The following APP variants were observed in gnomAD, a reference collection of about 807,000 sequenced individuals.
APP encodes amyloid beta precursor protein, also known as amyloid-beta precursor protein.
APP carries 31 observed loss-of-function variants against 101.4 expected under a neutral mutation model. The ratio of observed to expected loss-of-function variants is 0.31; its 90% CI spans 0.23 to 0.41. The LOEUF is 0.41. Ranked by LOEUF, APP falls within the 10% of genes least tolerant of loss-of-function variation. The pLI, the probability that APP is intolerant of heterozygous loss-of-function variation, is 1.00. For missense variants in APP, 839 were observed against 1,003.7 expected (o/e 0.84, Z 2.22); for synonymous variants, 366 against 364.4 (o/e 1.00, Z -0.05).
intron 3 of APP, among the ~76,000 whole-genome samples, chr21:26,072,631 C>T (rs1445062031): frequency 6.6e-6 from 1 of 151,894 alleles, no homozygotes; most frequent in African/African-American, 2.4e-5. Context: ...TTGTTATTTA[C>T]CGGCAGAGAA....
intron 5 of APP, among the ~76,000 whole-genome samples, chr21:26,038,661 G>A (rs7283143): frequency 0.11 from 16,473 of 152,120 alleles, 1,211 homozygotes; most frequent in East Asian, 0.31. Context: ...CTACTTGGGA[G>A]GCTGAGGTAG....
intron 3 of APP, among the ~76,000 whole-genome samples, chr21:26,087,631 CT>C (rs2061729420): frequency 6.6e-6 from 1 of 152,220 alleles, no homozygotes; most frequent in South Asian, 2.1e-4. Context: ...TTATAGGCTT[CT>C]CTCCATTTCT....
intron 1 of APP, among the ~76,000 whole-genome samples, chr21:26,161,333 G>C (rs573508791): frequency 2.0e-5 from 3 of 152,160 alleles, no homozygotes; most frequent in South Asian, 2.1e-4. Context: ...ATACTGAAAT[G>C]ATCAGAGAAC....
At chr21:26,146,495 A>G (rs1013386839) in intron 1 of APP, among the ~76,000 whole-genome samples, 2 of 152,210 alleles carry the variant, frequency 1.3e-5, no homozygotes, top group East Asian at 3.9e-4. Flanking sequence ...CCTGTGTACT[A>G]TAAAATTCTT....
chr21:25,910,842 A>AACATTTAATTC (rs1282145116), intron 14 of APP, among the ~76,000 whole-genome samples: 2 of 152,272 alleles, frequency 1.3e-5, no homozygotes, highest in Admixed American at 6.5e-5. Flanking sequence ...CTTTGCCTTT[A>AACATTTAATTC]ACATTTAATT....
intron 15 of APP, among the ~76,000 whole-genome samples, chr21:25,898,977 G>A (rs1032682430): frequency 1.3e-5 from 2 of 152,162 alleles, no homozygotes; most frequent in Non-Finnish European, 2.9e-5. Flanking sequence ...GCCTATACAA[G>A]GAGAAGGTAA....
chr21:26,027,543 G>C (rs2044633924), intron 5 of APP, among the ~76,000 whole-genome samples: 1 of 152,194 alleles, frequency 6.6e-6, no homozygotes, highest in Non-Finnish European at 1.5e-5. Context: ...GGCACTGTTA[G>C]AAGCGAAACA....
At chr21:26,085,722 A>G (rs1397540651) in intron 3 of APP, among the ~76,000 whole-genome samples, 4 of 152,190 alleles carry the variant, frequency 2.6e-5, no homozygotes, top group African/African-American at 4.8e-5. Flanking sequence ...CATCCTTTCC[A>G]TGCTAAAGAA....
chr21:26,051,999 ATTTGG>A (rs998644214), intron 4 of APP, among the ~76,000 whole-genome samples: 5 of 152,226 alleles, frequency 3.3e-5, no homozygotes, highest in African/African-American at 1.2e-4. Flanking sequence ...ACTTCAAATT[ATTTGG>A]TTTGTTTTCT....
intron 11 of APP, among the ~76,000 whole-genome samples, chr21:25,959,852 G>A (rs760137754): frequency 2.0e-5 from 3 of 152,150 alleles, no homozygotes; most frequent in Non-Finnish European, 4.4e-5. Context: ...ATTGAGATGG[G>A]TAATTAAATG....
intron 11 of APP, among the ~76,000 whole-genome samples, chr21:25,971,499 T>C (rs958320694): frequency 6.6e-6 from 1 of 152,214 alleles, no homozygotes; most frequent in Non-Finnish European, 1.5e-5. Context: ...CCTAGAGGAC[T>C]CGTGGAGTGG....
intron 1 of APP, among the ~76,000 whole-genome samples, chr21:26,142,349 C>A (rs187906778): frequency 2.6e-5 from 4 of 152,320 alleles, no homozygotes; most frequent in Admixed American, 1.3e-4. Context: ...TTGCTGCTGG[C>A]TCACTGCAGA....
chr21:25,995,552 A>G (rs1163230916), intron 8 of APP, among the ~76,000 whole-genome samples: 2 of 147,076 alleles, frequency 1.4e-5, no homozygotes, highest in Non-Finnish European at 3.0e-5. Context: ...TATGTACAAA[A>G]GGAATGAGGA....
intron 5 of APP, among the ~76,000 whole-genome samples, chr21:26,035,167 C>T (rs1400395504): frequency 6.6e-6 from 1 of 151,994 alleles, no homozygotes; most frequent in East Asian, 1.9e-4. Context: ...GTAGTCCCAG[C>T]TACTCAGGAG....
chr21:26,097,908 G>A (rs1342105355), intron 2 of APP, among the ~76,000 whole-genome samples: 11 of 151,736 alleles, frequency 7.2e-5, no homozygotes, highest in South Asian at 6.2e-4. Flanking sequence ...GTGAAACCCC[G>A]TCTCTACTAA....
chr21:26,126,221 T>C (rs1228609069), intron 1 of APP, among the ~76,000 whole-genome samples: 1 of 152,254 alleles, frequency 6.6e-6, no homozygotes, highest in Non-Finnish European at 1.5e-5. Flanking sequence ...CTTCTGACTT[T>C]ACTGCTGTTG....
intron 3 of APP, among the ~76,000 whole-genome samples, chr21:26,085,060 A>T (rs1162884287): frequency 6.6e-6 from 1 of 152,238 alleles, no homozygotes; most frequent in Non-Finnish European, 1.5e-5. Context: ...AAATTGCTTA[A>T]ATAAAATCAA....
rs201085152 is a variant in APP, at chr21:25,975,072, G to T, written c.1456C>A (p.Arg486=). ...AACTCGGCTGCAGCGAGACCTACCC[G>T]AGGAGGAACAGCCTGCAGAGCGGTG... ...YITALQAVPP[R]PRHVFNMLKK... Residue 486 remains arginine, a splice_region_variant and synonymous_variant, in exon 11 of 18, where the codon CGG becomes AGG. Transcript: ENST00000346798. 2.4e-5 allele frequency: 39 copies of T among 1,613,858 alleles called. No homozygotes were observed. The highest frequency in any genetic ancestry group is 3.1e-5 in the Non-Finnish European group (36 of 1,180,008).
intron 2 of APP, among the ~76,000 whole-genome samples, chr21:26,110,870 C>T (rs1022678767): frequency 6.6e-6 from 1 of 151,866 alleles, no homozygotes; most frequent in Non-Finnish European, 1.5e-5. Flanking sequence ...TGCCAACAAG[C>T]ATAAGACTAA....
Sources: gnomAD v4.1 joint callset for allele counts (sites outside exome capture counted in the v4.1 genomes callset) on GRCh38, gnomAD v4.1.1 for gene constraint, MANE v1.5 for transcripts, NCBI Gene and HGNC (gene_info 2026-07-23, HGNC 2026-07-21) for gene names.